The following SPSB1 variants were observed in gnomAD, a reference collection of about 807,000 sequenced individuals.
SPSB1 encodes the protein splA/ryanodine receptor domain and SOCS box containing 1, also known as SPRY domain-containing SOCS box protein 1.
In SPSB1, 8 loss-of-function variants were observed where a neutral mutation model predicts 21.2. The observed-to-expected ratio is 0.38, with a 90% confidence interval of 0.22 to 0.68. SPSB1 has a LOEUF of 0.68. Ranked by LOEUF, SPSB1 falls within the 30% of genes least tolerant of loss-of-function variation. SPSB1 has a pLI of 0.53. For synonymous variants in SPSB1, 169 were observed against 161.7 expected, an observed-to-expected ratio of 1.05 and a Z score of -0.34; for missense variants, 242 against 377.8, an observed-to-expected ratio of 0.64 and a Z score of 2.98.
Position 9,356,065 on chromosome 1 carries a change from C to T in SPSB1, c.174C>T (p.Asn58=), listed in dbSNP as rs777342432. 1.2e-6 allele frequency: 2 copies of T among 1,613,660 alleles called. No homozygotes were observed. Among genetic ancestry groups the T allele is most frequent in the South Asian group, 2.2e-5 (2 of 91,016 alleles). The part of the protein sequence containing the change: ...YDVQLLHSWN[N]NDRSLNVFVK... ...TCCAGCTGCTGCATTCATGGAACAACAACGACCGATCGCTCAATGTCTTTG... is the reference window on the plus strand; with the variant it reads ...TCCAGCTGCTGCATTCATGGAACAATAACGACCGATCGCTCAATGTCTTTG... The change falls in exon 2 of 3, where the codon AAC becomes AAT. Residue 58 remains asparagine, a synonymous_variant. Coordinates refer to ENST00000328089, the MANE Select transcript of SPSB1 (RefSeq NM_025106.4). This position sits in a 1 kb window ranked among gnomAD's most constrained non-coding sequence, Gnocchi z 7.4.
rs1316463928 is a variant in SPSB1, at chr1:9,305,828, G to A, written c.-150+12757G>A. Among the ~76,000 whole-genome samples the A allele has an allele frequency of 6.6e-6, 1 of 152,162 alleles. No homozygotes were observed. Among genetic ancestry groups the A allele is most frequent in the Non-Finnish European group, 1.5e-5 (1 of 68,038 alleles). ...ATGAGGAAGCTTTCTCTGTCTAGTG[G>A]GTGAGACAGGCCCGTCTCTGCTGAT... On this transcript the variant is annotated intron_variant, in intron 1 of 2. Coordinates refer to ENST00000328089, the MANE Select transcript of SPSB1 (RefSeq NM_025106.4). The surrounding 1 kb of genome is among the most constrained non-coding windows in gnomAD (Gnocchi z 4.8).
intron 2 of SPSB1, among the ~76,000 whole-genome samples, chr1:9,357,315 G>A (rs1640387195): frequency 6.6e-6 from 1 of 152,216 alleles, no homozygotes; most frequent in African/African-American, 2.4e-5. Flanking sequence ...GTGAATGGAT[G>A]GATGAGTGGA....
chr1:9,344,526 C>T (rs879720588), intron 1 of SPSB1, among the ~76,000 whole-genome samples: 1 of 152,162 alleles, frequency 6.6e-6, no homozygotes, highest in African/African-American at 2.4e-5. Flanking sequence ...TTGGCATTCA[C>T]GATTCCAAGC....
At chr1:9,314,177 A>G (rs1639571198) in intron 1 of SPSB1, among the ~76,000 whole-genome samples, 1 of 150,216 alleles carries the variant, frequency 6.7e-6, no homozygotes, top group Non-Finnish European at 1.5e-5. Context: ...CTCTATCTCA[A>G]AAAAAAAAAA....
Position 9,350,848 on chromosome 1 carries a change from G to T in SPSB1, c.-149-4895G>T, listed in dbSNP as rs995268003. 5.3e-5 allele frequency among the ~76,000 whole-genome samples: 8 copies of T among 152,356 alleles called. No homozygotes were observed. In the East Asian group the frequency reaches 1.5e-3, roughly 29 times the overall value. ...CTTAGGCATCTGCATTTGCTTCTCA[G>T]AGCAGCAGTAAGTGGGGGTGGTCCC... On this transcript the variant is annotated intron_variant, in intron 1 of 2. Transcript: ENST00000328089.
rs981357510 is a variant in SPSB1, at chr1:9,305,974, G to A, written c.-150+12903G>A. 1.3e-5 allele frequency among the ~76,000 whole-genome samples: 2 copies of A among 152,192 alleles called. No homozygotes were observed. Among genetic ancestry groups the A allele is most frequent in the Non-Finnish European group, 2.9e-5 (2 of 68,038 alleles). ...AGGCAGGAGGGCCCACAGACCTGGGGACATTTGTGCAATTGCGAGTAACGT... is the reference window on the plus strand; with the variant it reads ...AGGCAGGAGGGCCCACAGACCTGGGAACATTTGTGCAATTGCGAGTAACGT... On this transcript the variant is annotated intron_variant, in intron 1 of 2. Coordinates refer to ENST00000328089, the MANE Select transcript of SPSB1 (RefSeq NM_025106.4). This position sits in a 1 kb window ranked among gnomAD's most constrained non-coding sequence, Gnocchi z 4.8.
At chr1:9,343,356 A>ACG (rs2100503452) in intron 1 of SPSB1, among the ~76,000 whole-genome samples, 1 of 142,610 alleles carries the variant, frequency 7.0e-6, no homozygotes. Context: ...GAATCGTACA[A>ACG]TGTGTGACCT....
chr1:9,311,114 AC>A (rs957784805), intron 1 of SPSB1, among the ~76,000 whole-genome samples: 31 of 141,922 alleles, frequency 2.2e-4, no homozygotes, highest in Non-Finnish European at 4.1e-4. Flanking sequence ...CCAAGTCCTT[AC>A]CCCCACGCCA....
chr1:9,309,321 TGTGTGTGTGTGTGA>T (rs1372158135), intron 1 of SPSB1, among the ~76,000 whole-genome samples: 11 of 150,878 alleles, frequency 7.3e-5, no homozygotes, highest in African/African-American at 2.5e-4. Flanking sequence ...TGTGTGTGTG[TGTGTGTGTGTGTGA>T]GTGACAGATT....
At position 9,334,345 on chromosome 1, in the gene SPSB1, C is replaced by G. The variant is rs1338116067; in HGVS notation, c.-149-21398C>G. 2.6e-5 allele frequency among the ~76,000 whole-genome samples: 4 copies of G among 152,144 alleles called. No homozygotes were observed. In the East Asian group the frequency reaches 7.7e-4, roughly 29 times the overall value. Reference sequence around the variant, plus strand: ...AGGTGATCCGCCCGCCTCAACCTGTCAAAGTGCTGGGATTACAGGCATGAG... The same window carrying G: ...AGGTGATCCGCCCGCCTCAACCTGTGAAAGTGCTGGGATTACAGGCATGAG... On this transcript the variant is annotated intron_variant, in intron 1 of 2. Transcript: ENST00000328089.
intron 1 of SPSB1, among the ~76,000 whole-genome samples, chr1:9,331,112 G>T (rs1289718200): frequency 6.6e-6 from 1 of 152,066 alleles, no homozygotes; most frequent in Non-Finnish European, 1.5e-5. Flanking sequence ...CCCGCTGAAT[G>T]CTTGTGGAAG....
At chr1:9,344,876 G>A (rs756674581) in intron 1 of SPSB1, among the ~76,000 whole-genome samples, 1 of 152,066 alleles carries the variant, frequency 6.6e-6, no homozygotes, top group Admixed American at 6.5e-5. Context: ...GGGACATGAG[G>A]GTGACCCAAG....
At chr1:9,362,179 A>ACCCT (rs57888220) in intron 2 of SPSB1, among the ~76,000 whole-genome samples, 24,004 of 138,106 alleles carry the variant, frequency 0.17, 1,909 homozygotes, top group East Asian at 0.37. Flanking sequence ...AGGGCCACCC[A>ACCCT]CCCTCCCTCC....
At chr1:9,299,201 C>G (rs1183149917) in intron 1 of SPSB1, among the ~76,000 whole-genome samples, 3 of 152,224 alleles carry the variant, frequency 2.0e-5, no homozygotes, top group Admixed American at 1.3e-4. Context: ...TATACCTGTC[C>G]ATAAGGCCCA....
chr1:9,311,850 G>T (rs1233208880), intron 1 of SPSB1, among the ~76,000 whole-genome samples: 1 of 152,148 alleles, frequency 6.6e-6, no homozygotes, highest in African/African-American at 2.4e-5. Context: ...TTTTCTTGGT[G>T]GCACTGAGCC....
chr1:9,332,682 G>T (rs766915208), intron 1 of SPSB1, among the ~76,000 whole-genome samples: 1 of 152,234 alleles, frequency 6.6e-6, no homozygotes, highest in African/African-American at 2.4e-5. Flanking sequence ...CAGAACCTTA[G>T]AGAGTGAGTC....
intron 1 of SPSB1, among the ~76,000 whole-genome samples, chr1:9,297,578 A>G (rs1389225978): frequency 6.6e-6 from 1 of 152,108 alleles, no homozygotes; most frequent in African/African-American, 2.4e-5. Flanking sequence ...ACGAACATGA[A>G]GTTGGATCTG....
intron 2 of SPSB1, among the ~76,000 whole-genome samples, chr1:9,362,968 C>T (rs1017237188): frequency 6.6e-6 from 1 of 152,230 alleles, no homozygotes; most frequent in South Asian, 2.1e-4. Context: ...CAGGTGCCCA[C>T]CCCCTCGGTA....
At position 9,299,484 on chromosome 1, in the gene SPSB1, C is replaced by G. The variant is rs148476532; in HGVS notation, c.-150+6413C>G. Among the ~76,000 whole-genome samples the G allele has an allele frequency of 2.4e-4, 37 of 152,208 alleles. 1 individual carries two copies. The East Asian group carries it at 7.2e-3, about 29-fold the overall frequency. On this transcript the variant is annotated intron_variant, in intron 1 of 2. Transcript: ENST00000328089. ...TGAGACGTCATCTCTCTCTCTCTCT[C>G]TCTCTTTTTTTGAGATGGATTTTTT...
Sources: allele counts gnomAD v4.1 joint callset (sites outside exome capture counted in the v4.1 genomes callset), GRCh38; gene constraint gnomAD v4.1.1; non-coding constraint Gnocchi (gnomAD v3.1); transcripts MANE v1.5; gene names NCBI Gene and HGNC (gene_info 2026-07-23, HGNC 2026-07-21).